The following NRG1 variants were observed in gnomAD, a reference collection of about 807,000 sequenced individuals.
NRG1 encodes pro-neuregulin-1, membrane-bound isoform.
NRG1 carries 18 observed loss-of-function variants against 63.8 expected under a neutral mutation model. The ratio of observed to expected loss-of-function variants is 0.28; its 90% CI spans 0.19 to 0.42. The LOEUF (loss-of-function observed/expected upper bound fraction) is 0.42, where lower values mean the gene tolerates loss of function less well. Ranked by LOEUF, NRG1 falls within the 10% of genes least tolerant of loss-of-function variation. The pLI, the probability that NRG1 is intolerant of heterozygous loss-of-function variation, is 1.00. For synonymous variants in NRG1, 302 were observed against 301.3 expected (o/e 1.00, Z -0.02); for missense variants, 762 against 814.7 (o/e 0.94, Z 0.79).
At chr8:32,023,437 T>G (rs1816762163) in intron 1 of NRG1, among the ~76,000 whole-genome samples, 1 of 152,208 alleles carries the variant, frequency 6.6e-6, no homozygotes, top group Admixed American at 6.5e-5. Flanking sequence ...CAGCTGCAAG[T>G]AAGTATGATG....
At position 31,808,178 on chromosome 8, in the gene NRG1, T is replaced by A. The variant is rs117469567; in HGVS notation, c.37+168747T>A. 3.8e-3 allele frequency among the ~76,000 whole-genome samples: 582 copies of A among 152,270 alleles called. 1 individual carries two copies. Among genetic ancestry groups the A allele is most frequent in the Middle Eastern group, 0.02 (6 of 294 alleles). On this transcript the variant is annotated intron_variant, in intron 1 of 10. Coordinates refer to the NRG1 transcript ENST00000519301. ...GCTATTCTTTCATGATTAAAAGTTA[T>A]GTTTCATTATTATCAGGTTGTATAT...
intron 9 of NRG1, among the ~76,000 whole-genome samples, 179 bp downstream of exon 9, chr8:32,756,708 A>G (rs1359676488): frequency 6.6e-6 from 1 of 152,204 alleles, no homozygotes; most frequent in African/African-American, 2.4e-5. Flanking sequence ...GGATTTGGTT[A>G]CTGTAAAATC....
chr8:32,032,163 A>G (rs1818349573), intron 1 of NRG1, among the ~76,000 whole-genome samples: 1 of 152,142 alleles, frequency 6.6e-6, no homozygotes. Context: ...ATGAGATAGT[A>G]TCTCATTGTG....
At chr8:32,119,309 TA>T (rs1425819148) in intron 1 of NRG1, among the ~76,000 whole-genome samples, 1 of 152,144 alleles carries the variant, frequency 6.6e-6, no homozygotes, top group African/African-American at 2.4e-5. Context: ...TAAAGTCACG[TA>T]GCGACTATTC....
chr8:32,203,961 A>G (rs1250636464), intron 1 of NRG1, among the ~76,000 whole-genome samples: 1 of 152,194 alleles, frequency 6.6e-6, no homozygotes, highest in Non-Finnish European at 1.5e-5. Flanking sequence ...CAAAAAGTGT[A>G]GCAATGGAAA....
At chr8:32,524,674 C>G (rs533797983) in intron 1 of NRG1, among the ~76,000 whole-genome samples, 1 of 152,232 alleles carries the variant, frequency 6.6e-6, no homozygotes, top group South Asian at 2.1e-4. Context: ...CTCTGTCTAT[C>G]ATGGAAACCG....
At chr8:32,102,669 C>T (rs1007592662) in intron 1 of NRG1, among the ~76,000 whole-genome samples, 16 of 152,158 alleles carry the variant, frequency 1.1e-4, no homozygotes, top group Admixed American at 4.6e-4. Flanking sequence ...ATTGATCATA[C>T]CCATCAGTCT....
chr8:32,177,324 G>T (rs532673205), intron 1 of NRG1, among the ~76,000 whole-genome samples: 1 of 147,638 alleles, frequency 6.8e-6, no homozygotes, highest in African/African-American at 2.5e-5. Flanking sequence ...ACTGGGGCCT[G>T]TTGTGGGGTG....
chr8:32,611,221 G>A (rs1427911906), intron 3 of NRG1, among the ~76,000 whole-genome samples: 1 of 151,864 alleles, frequency 6.6e-6, no homozygotes, highest in Non-Finnish European at 1.5e-5. Flanking sequence ...AGGAGCAATT[G>A]GGCTTGTAGC....
rs1852906382 is a variant in NRG1 at position 32,281,923 on chromosome 8, ACT to A, written c.38-313903_38-313902del. ...TATAAACACAACAACGAAGTGTTTA[ACT>A]CATCAATTTCAGATACACAGTAAAA... On this transcript the variant is annotated intron_variant, in intron 1 of 10. Coordinates refer to the NRG1 transcript ENST00000519301. 2.6e-5 allele frequency among the ~76,000 whole-genome samples: 4 copies of A among 152,234 alleles called. No homozygotes were observed. The South Asian group carries it at 8.3e-4, about 31-fold the overall frequency.
At chr8:32,406,517 C>G (rs1435939700) in intron 1 of NRG1, among the ~76,000 whole-genome samples, 1 of 151,902 alleles carries the variant, frequency 6.6e-6, no homozygotes, top group African/African-American at 2.4e-5. Flanking sequence ...TATACTTTCT[C>G]ATCTATAATT....
chr8:31,640,068 G>A lies in NRG1; in HGVS notation c.37+637G>A. 1 of 1,134,376 alleles carries A rather than the reference G, an allele frequency of 8.8e-7. No homozygotes were observed. Among genetic ancestry groups the A allele is most frequent in the Non-Finnish European group, 1.1e-6 (1 of 927,004 alleles). 70.3% of individuals were successfully genotyped at this position (1,134,376 alleles called of 1,614,324 possible). ...CCGGCTCCGCCGCCCGCTCGTCGCCGCCGCTGCCGCTGCTGCCACTACTGC... is the reference window on the plus strand; with the variant it reads ...CCGGCTCCGCCGCCCGCTCGTCGCCACCGCTGCCGCTGCTGCCACTACTGC... On this transcript the variant is annotated intron_variant, in intron 1 of 10. Coordinates refer to the NRG1 transcript ENST00000519301. The surrounding 1 kb of genome is among the most constrained non-coding windows in gnomAD (Gnocchi z 6.3).
chr8:31,695,263 A>T (rs1809937470), intron 1 of NRG1, among the ~76,000 whole-genome samples: 1 of 152,124 alleles, frequency 6.6e-6, no homozygotes, highest in African/African-American at 2.4e-5. Flanking sequence ...TCTGCCTCTC[A>T]GGTTCAAGTG....
chr8:32,248,905 T>C (rs572118376), intron 1 of NRG1, among the ~76,000 whole-genome samples: 2 of 152,096 alleles, frequency 1.3e-5, no homozygotes, highest in Non-Finnish European at 2.9e-5. Flanking sequence ...TTAAATATTG[T>C]TTGCCAAACA....
chr8:32,747,533 A>C (rs939399528), intron 7 of NRG1, among the ~76,000 whole-genome samples: 1 of 152,010 alleles, frequency 6.6e-6, no homozygotes, highest in Non-Finnish European at 1.5e-5. Context: ...GATTTGAATA[A>C]ATTATTTTGC....
At chr8:32,235,158 C>T (rs1305185076) in intron 1 of NRG1, among the ~76,000 whole-genome samples, 1 of 140,668 alleles carries the variant, frequency 7.1e-6, no homozygotes. Flanking sequence ...CTTTGGGAGG[C>T]CAAGGCAGGA....
chr8:32,084,814 G>A (rs531962832), intron 1 of NRG1, among the ~76,000 whole-genome samples: 1 of 152,166 alleles, frequency 6.6e-6, no homozygotes, highest in East Asian at 1.9e-4. Flanking sequence ...CAGAAATGAG[G>A]GATGAGACTG....
At chr8:31,849,954 A>T (rs889429514) in intron 1 of NRG1, among the ~76,000 whole-genome samples, 1 of 152,206 alleles carries the variant, frequency 6.6e-6, no homozygotes, top group African/African-American at 2.4e-5. Flanking sequence ...TGTAATGAAG[A>T]TAAGATAAAT....
chr8:32,425,396 AGT>A lies in NRG1; in HGVS notation c.38-170428_38-170427del, dbSNP rs373871074. Among the ~76,000 whole-genome samples the A allele has an allele frequency of 6.1e-3, 923 of 152,278 alleles. 11 individuals carry two copies. Among genetic ancestry groups the A allele is most frequent in the African/African-American group, 0.021 (891 of 41,554 alleles). Reference sequence around the variant, plus strand: ...AGAAGAAATGTGAAGACCATCTGTAAGTGTGATTTTTACCAGGATCAGACTCT... The same window carrying A: ...AGAAGAAATGTGAAGACCATCTGTAAGTGATTTTTACCAGGATCAGACTCT... On this transcript the variant is annotated intron_variant, in intron 1 of 10. Coordinates refer to the NRG1 transcript ENST00000519301.
Sources: gnomAD v4.1 joint callset for allele counts (sites outside exome capture counted in the v4.1 genomes callset) on GRCh38, gnomAD v4.1.1 for gene constraint, Gnocchi (gnomAD v3.1) non-coding constraint, MANE v1.5 for transcripts, NCBI Gene and HGNC (gene_info 2026-07-23, HGNC 2026-07-21) for gene names.